The following SPDYE5 variants were observed in gnomAD, a reference collection of about 807,000 sequenced individuals.
The protein encoded by SPDYE5 is speedy protein E5.
In SPDYE5, 15 loss-of-function variants were observed where a neutral mutation model predicts 48.5. The ratio of observed to expected loss-of-function variants is 0.31; its 90% CI spans 0.21 to 0.48. SPDYE5 has a LOEUF of 0.48. Ranked by LOEUF, SPDYE5 falls within the 20% of genes least tolerant of loss-of-function variation. The probability of loss-of-function intolerance (pLI) is 0.99; values close to 1 mark genes in which losing one functional copy is unlikely to be tolerated. For missense variants in SPDYE5, 331 were observed against 549.1 expected, an observed-to-expected ratio of 0.60 and a Z score of 3.97; for synonymous variants, 116 against 200.7, an observed-to-expected ratio of 0.58 and a Z score of 3.57.
At position 75,494,225 on chromosome 7, in the gene SPDYE5, A is replaced by C. The variant is rs1225341404; in HGVS notation, c.160+18A>C. ...ACCATCAGGTGAGGGGACTGGTGGA[A>C]GAAGAGGTGGGATAGGATTGACTAA... On this transcript the variant is annotated intron_variant, in intron 2 of 8. Coordinates refer to ENST00000625065, the MANE Select transcript of SPDYE5 (RefSeq NM_001306141.4). 9 of 1,534,320 alleles carry C rather than the reference A, an allele frequency of 5.9e-6. No individual in the cohort carries two copies. In the African/African-American group the frequency reaches 1.1e-4, roughly 19 times the overall value.
rs1454257889 is a variant in SPDYE5 at position 75,494,117 on chromosome 7, C to T, written c.70C>T (p.Pro24Ser). 1.3e-6 allele frequency: 2 copies of T among 1,535,306 alleles called. No individual in the cohort carries two copies. Among genetic ancestry groups the T allele is most frequent in the African/African-American group, 1.4e-5 (1 of 72,940 alleles). ...ITEKITTSRQ[P>S]QPQNEQSPQR... ...GGAAAAGATCACGACCAGCCGTCAA[C>T]CGCAACCCCAGAATGAGCAGAGTCC... The change falls in exon 2 of 9, where the codon CCG becomes TCG. Residue 24 changes from proline (P) to serine (S), a missense_variant. Physicochemically the swap from Pro to Ser is moderately conservative, Grantham distance 74. Coordinates refer to ENST00000625065, the MANE Select transcript of SPDYE5 (RefSeq NM_001306141.4).
chr7:75,492,058 T>C (rs1194700453), upstream of SPDYE5, among the ~76,000 whole-genome samples: 31 of 152,202 alleles, frequency 2.0e-4, no homozygotes, highest in East Asian at 7.8e-4. Context: ...ACGATGGGCA[T>C]GGCCTCAGTG....
Position 75,501,480 on chromosome 7 carries a change from G to T in SPDYE5, c.874G>T (p.Gly292Cys), listed in dbSNP as rs368092531. Residue 292 changes from glycine to cysteine, a missense_variant, in exon 7 of 9, where the codon GGC becomes TGC. Physicochemically the swap from Gly to Cys is radical, Grantham distance 159. This residue lies in a region of SPDYE5 where 70 missense variants were observed against 87.6 expected (regional missense o/e 0.80). Coordinates refer to ENST00000625065, the MANE Select transcript of SPDYE5 (RefSeq NM_001306141.4). ...GCTCCGTAAGCGTTGGTTCCAGTTA[G>T]GCCGTTCCATGAACCCGAGGGCCAG... is the stretch of plus-strand genomic sequence containing the variant. ...PLLRKRWFQL[G>C]RSMNPRARKK... The T allele has an allele frequency of 2.0e-6, 3 of 1,494,650 alleles. No individual in the cohort carries two copies. The highest frequency in any genetic ancestry group is 2.7e-6 in the Non-Finnish European group (3 of 1,114,416). 92.6% of individuals were successfully genotyped at this position (1,494,650 alleles called of 1,614,324 possible).
In SPDYE5 at chr7:75,493,711, G is replaced by A. The variant is rs1792819342; in HGVS notation, c.-337G>A. 2 of 1,393,794 alleles carry A rather than the reference G, an allele frequency of 1.4e-6. No individual in the cohort carries two copies. The highest frequency in any genetic ancestry group is 5.2e-5 in the East Asian group (2 of 38,400). 86.3% of individuals were successfully genotyped at this position (1,393,794 alleles called of 1,614,324 possible). ...GAGTGGAGAGGACACAGCCTCTGCT[G>A]GGACAGGGAACAGAGGGATGTGGAG... On this transcript the variant is annotated 5_prime_UTR_variant, in exon 2 of 9. The change creates a premature stop within an existing upstream ORF in the 5' untranslated region. Transcript: ENST00000625065.
Position 75,501,371 on chromosome 7 carries a change from C to T in SPDYE5, c.765C>T (p.Ala255=). Residue 255 remains alanine, a synonymous_variant, in exon 7 of 9, where the codon GCC becomes GCT. Coordinates refer to ENST00000625065, the MANE Select transcript of SPDYE5 (RefSeq NM_001306141.4). Reference sequence around the variant, plus strand: ...TGATTTCTGTCCTCAGCTACCTGGCCAATGACATGGAGGAGGACGACGAGG... The same window carrying T: ...TGATTTCTGTCCTCAGCTACCTGGCTAATGACATGGAGGAGGACGACGAGG... ...RIHFFLALYL[A]NDMEEDDEDS... is the part of the protein sequence containing the mutation. The T allele has an allele frequency of 1.2e-6, 2 of 1,612,280 alleles. No homozygotes were observed. Among genetic ancestry groups the T allele is most frequent in the East Asian group, 2.2e-5 (1 of 44,872 alleles).
chr7:75,502,616 T>C (rs1793197269), intron 8 of SPDYE5, among the ~76,000 whole-genome samples: 1 of 147,440 alleles, frequency 6.8e-6, no homozygotes, highest in African/African-American at 2.7e-5. Context: ...TCACTGGGGC[T>C]GACCTTGGGT....
In SPDYE5 at chr7:75,493,888, A is replaced by G. The variant is rs1792825666; in HGVS notation, c.-160A>G. On this transcript the variant is annotated 5_prime_UTR_variant, in exon 2 of 9. Coordinates refer to ENST00000625065, the MANE Select transcript of SPDYE5 (RefSeq NM_001306141.4). ...AGGTTGGCATGAGCGATGACATCAGAGATTCCGACCATCCTGATTGGAGGG... is the reference window on the plus strand; with the variant it reads ...AGGTTGGCATGAGCGATGACATCAGGGATTCCGACCATCCTGATTGGAGGG... 6 of 1,455,892 alleles carry G rather than the reference A, an allele frequency of 4.1e-6. No homozygotes were observed. Among genetic ancestry groups the G allele is most frequent in the Middle Eastern group, 5.0e-4 (2 of 3,970 alleles). 90.2% of individuals were successfully genotyped at this position (1,455,892 alleles called of 1,614,324 possible). A position where few individuals can be genotyped will look rare whatever the true frequency, so the allele number is the denominator to read the frequency against.
At position 75,501,395 on chromosome 7, in the gene SPDYE5, G is replaced by A. The variant is rs782012636; in HGVS notation, c.789G>A (p.Glu263=). 3.5e-5 allele frequency: 56 copies of A among 1,612,450 alleles called. No homozygotes were observed. Among genetic ancestry groups the A allele is most frequent in the Admixed American group, 1.8e-4 (11 of 59,996 alleles). The part of the protein sequence containing the change: ...YLANDMEEDD[E]DSKQNIFHFL... The stretch of plus-strand genomic sequence containing the variant: ...CCAATGACATGGAGGAGGACGACGA[G>A]GACTCCAAACAAAACATCTTCCACT... Residue 263 remains glutamate, a synonymous_variant, in exon 7 of 9, where the codon GAG becomes GAA. Coordinates refer to ENST00000625065, the MANE Select transcript of SPDYE5 (RefSeq NM_001306141.4).
At position 75,494,055 on chromosome 7, in the gene SPDYE5, G is replaced by T; in HGVS notation, c.8G>T (p.Arg3Ile). MD[R>I]TETRFRKRGQ... ...AGTGATCAGAAGAAGGCCATGGACAGAACGGAGACTAGGTTCCGTAAGAGG... is the reference window on the plus strand; with the variant it reads ...AGTGATCAGAAGAAGGCCATGGACATAACGGAGACTAGGTTCCGTAAGAGG... Residue 3 changes from arginine to isoleucine, a missense_variant, in exon 2 of 9, where the codon AGA becomes ATA. By Grantham distance (97) the Arg-to-Ile change is moderately conservative. Coordinates refer to ENST00000625065, the MANE Select transcript of SPDYE5 (RefSeq NM_001306141.4). 2 of 1,531,832 alleles carry T rather than the reference G, an allele frequency of 1.3e-6. No individual in the cohort carries two copies. The highest frequency in any genetic ancestry group is 2.5e-5 in the East Asian group (1 of 40,690). 94.9% of individuals were successfully genotyped at this position (1,531,832 alleles called of 1,614,324 possible).
upstream of SPDYE5, among the ~76,000 whole-genome samples, chr7:75,492,267 C>G (rs1456751180): frequency 6.6e-6 from 1 of 152,150 alleles, no homozygotes; most frequent in South Asian, 2.1e-4. Context: ...CCAGCTCTGA[C>G]GGTTTAAAGC....
At chr7:75,498,899 C>G (rs1241048621) in intron 5 of SPDYE5, among the ~76,000 whole-genome samples, 2 of 151,818 alleles carry the variant, frequency 1.3e-5, no homozygotes, top group Non-Finnish European at 2.9e-5. Flanking sequence ...AAGCTCCTGG[C>G]CCCTCTACTC....
chr7:75,496,667 T>C lies in SPDYE5; in HGVS notation c.380-7T>C. The stretch of plus-strand genomic sequence containing the variant: ...GCATTACACCATGGCCTGGTTTCTT[T>C]ACTCAGCCCCTGGGGTAGATCCCAG... On this transcript the variant is annotated splice_polypyrimidine_tract_variant and splice_region_variant and intron_variant, in intron 3 of 8. Transcript: ENST00000625065. 2 of 1,597,500 alleles carry C rather than the reference T, an allele frequency of 1.3e-6. No individual in the cohort carries two copies. Among genetic ancestry groups the C allele is most frequent in the Non-Finnish European group, 1.7e-6 (2 of 1,179,856 alleles).
At chr7:75,497,347 C>T (rs372481462) in intron 4 of SPDYE5, among the ~76,000 whole-genome samples, 26,255 of 150,678 alleles carry the variant, frequency 0.17, 2,613 homozygotes, top group Middle Eastern at 0.28. Context: ...ACAGGAGAAT[C>T]GCTTAAACCC....
At chr7:75,500,155 C>T (rs1793089438) in intron 6 of SPDYE5, among the ~76,000 whole-genome samples, 2 of 132,870 alleles carry the variant, frequency 1.5e-5, no homozygotes, top group African/African-American at 5.8e-5. Flanking sequence ...GAACAACTTC[C>T]TTAGCTGATG....
chr7:75,502,324 G>A (rs1383386878), intron 8 of SPDYE5, among the ~76,000 whole-genome samples: 4 of 150,610 alleles, frequency 2.7e-5, no homozygotes, highest in African/African-American at 4.9e-5. Context: ...TTGAGTTACC[G>A]ATTTGGGTCG....
chr7:75,494,079 G>A lies in SPDYE5; in HGVS notation c.32G>A (p.Arg11Lys). Reference protein sequence around the residue: MDRTETRFRKRGQITEKITTS... With the variant: MDRTETRFRKKGQITEKITTS... ...AGAACGGAGACTAGGTTCCGTAAGA[G>A]GGGACAGATTACGGAAAAGATCACG... Residue 11 changes from arginine to lysine, a missense_variant, in exon 2 of 9, where the codon AGG becomes AAG. Physicochemically the swap from Arg to Lys is conservative, Grantham distance 26. This residue lies in a region of SPDYE5 where 67 missense variants were observed against 55.7 expected (regional missense o/e 1.20). Transcript: ENST00000625065. 6.5e-7 allele frequency: 1 copy of A among 1,534,388 alleles called. No individual in the cohort carries two copies. Among genetic ancestry groups the A allele is most frequent in the Non-Finnish European group, 8.7e-7 (1 of 1,146,630 alleles).
chr7:75,496,510 A>G (rs3973260), intron 3 of SPDYE5, among the ~76,000 whole-genome samples, 164 bp from the exon 4 acceptor site: 14,464 of 130,678 alleles, frequency 0.11, 1,223 homozygotes, highest in African/African-American at 0.28. Context: ...GAGAAGGAGC[A>G]GCACATGGAG....
At chr7:75,493,451 G>A in intron 1 of SPDYE5, among the ~76,000 whole-genome samples, 176 bp from the exon 2 acceptor site, 1 of 150,320 alleles carries the variant, frequency 6.7e-6, no homozygotes, top group Non-Finnish European at 1.5e-5. Flanking sequence ...CTGCCAAACT[G>A]AGTGCTCTGA....
At chr7:75,491,851 T>G (rs1456033909), upstream of SPDYE5, among the ~76,000 whole-genome samples, 27 of 151,634 alleles carry the variant, frequency 1.8e-4, no homozygotes, top group African/African-American at 6.3e-4. Context: ...TAGCTGGGAT[T>G]ACAGATGTGC....
Sources: allele counts gnomAD v4.1 joint callset (sites outside exome capture counted in the v4.1 genomes callset), GRCh38; gene constraint gnomAD v4.1.1; regional missense constraint gnomAD v4.1.1; transcripts MANE v1.5; gene names NCBI Gene and HGNC (gene_info 2026-07-23, HGNC 2026-07-21).